PHC2: variants seen among roughly 807,000 people sequenced by gnomAD.
PHC2 encodes the protein polyhomeotic homolog 2.
In PHC2, 29 loss-of-function variants were observed where a neutral mutation model predicts 87.4. The observed-to-expected ratio is 0.33, with a 90% CI of 0.25 to 0.45. The LOEUF is 0.45. Ranked by LOEUF, PHC2 falls within the 20% of genes least tolerant of loss-of-function variation. The pLI is 1.00. For synonymous variants in PHC2, 438 were observed against 461.7 expected, an observed-to-expected ratio of 0.95 and a Z score of 0.66; for missense variants, 857 against 1,136.7, an observed-to-expected ratio of 0.75 and a Z score of 3.54.
At chr1:33,370,109 ACT>A (rs1647729293) in intron 5 of PHC2, among the ~76,000 whole-genome samples, 1 of 151,960 alleles carries the variant, frequency 6.6e-6, no homozygotes, top group Non-Finnish European at 1.5e-5. Context: ...GGCATGAACC[ACT>A]CTGCCCATCC....
chr1:33,357,816 C>T (rs189910874), intron 7 of PHC2, among the ~76,000 whole-genome samples: 7 of 152,174 alleles, frequency 4.6e-5, no homozygotes, highest in Admixed American at 3.3e-4. Flanking sequence ...AAATGTTGGG[C>T]ATGTCACTGC....
intron 1 of PHC2, among the ~76,000 whole-genome samples, chr1:33,379,196 T>C (rs1648332483): frequency 6.6e-6 from 1 of 151,570 alleles, no homozygotes; most frequent in Non-Finnish European, 1.5e-5. Flanking sequence ...GTGGGCACAG[T>C]GCACTTCCCA....
chr1:33,325,924 A>C, intron 14 of PHC2: 2 of 456,672 alleles, frequency 4.4e-6, no homozygotes, highest in Non-Finnish European at 8.8e-6. Context: ...GACTGTATAT[A>C]GAAGTCTCAT....
intron 7 of PHC2, among the ~76,000 whole-genome samples, chr1:33,356,942 C>T (rs558599515): frequency 2.4e-4 from 37 of 152,204 alleles, no homozygotes; most frequent in Non-Finnish European, 4.0e-4. Flanking sequence ...CCCTCCCGGA[C>T]GGGGCGAAAA....
At chr1:33,330,847 T>C (rs1646477540) in intron 12 of PHC2, among the ~76,000 whole-genome samples, 1 of 152,188 alleles carries the variant, frequency 6.6e-6, no homozygotes, top group Non-Finnish European at 1.5e-5. Flanking sequence ...CTAACCTGTA[T>C]AAAGGGGACA....
rs753245104 is a variant in PHC2 at position 33,325,022 on chromosome 1, G to GA, written c.2426-4dup. The GA allele has an allele frequency of 2.5e-6, 4 of 1,608,428 alleles. No individual in the cohort carries two copies. The highest frequency in any genetic ancestry group is 1.7e-5 in the Admixed American group (1 of 59,656). ...TTCCTCTGCTATCTCCTGGCAGCCT[G>GA]AGGGGGTACCACCAAAGACAGTGTC... On this transcript the variant is annotated splice_polypyrimidine_tract_variant and splice_region_variant and intron_variant, in intron 14 of 14. Transcript: ENST00000683057.
At chr1:33,350,900 A>C (rs758749353) in intron 9 of PHC2, among the ~76,000 whole-genome samples, 25 of 152,182 alleles carry the variant, frequency 1.6e-4, no homozygotes, top group Non-Finnish European at 2.9e-4. Context: ...TGTTTTATAA[A>C]CTAGGGTAAC....
At chr1:33,373,481 CCA>C (rs1414746779) in intron 2 of PHC2, among the ~76,000 whole-genome samples, 1 of 152,002 alleles carries the variant, frequency 6.6e-6, no homozygotes, top group African/African-American at 2.4e-5. Flanking sequence ...CTGCTGTCTC[CCA>C]TTCCCTGGCC....
At chr1:33,350,105 G>A (rs1351298216) in intron 9 of PHC2, among the ~76,000 whole-genome samples, 1 of 151,962 alleles carries the variant, frequency 6.6e-6, no homozygotes, top group Non-Finnish European at 1.5e-5. Context: ...GCCACGAGGA[G>A]GCTGCCCTGA....
chr1:33,391,340 T>C (rs868410982), intron 1 of PHC2, among the ~76,000 whole-genome samples: 20 of 152,212 alleles, frequency 1.3e-4, no homozygotes, highest in Admixed American at 5.9e-4. Flanking sequence ...GAAGATGATC[T>C]GCACTTCAAG....
intron 7 of PHC2, among the ~76,000 whole-genome samples, chr1:33,357,502 T>C (rs1018076708): frequency 1.3e-5 from 2 of 152,170 alleles, no homozygotes; most frequent in Non-Finnish European, 2.9e-5. Context: ...AGAGGGACTA[T>C]GGATGGCCCA....
Position 33,331,477 on chromosome 1 carries a change from A to C in PHC2, c.1892-15T>G, listed in dbSNP as rs539875791. The C allele has an allele frequency of 2.1e-6, 3 of 1,450,334 alleles. No individual in the cohort carries two copies. In the South Asian group the frequency reaches 3.4e-5, roughly 17 times the overall value. 89.8% of individuals were successfully genotyped at this position (1,450,334 alleles called of 1,614,324 possible). On this transcript the variant is annotated splice_polypyrimidine_tract_variant and intron_variant, in intron 11 of 14. Transcript: ENST00000683057. This position sits in a 1 kb window ranked among gnomAD's most constrained non-coding sequence, Gnocchi z 5.2. ...CTCTTTGGATTCTGAAAAGTATAGA[A>C]ATGGGTAGGGTGGAGAATGAGAAAT...
At position 33,332,705 on chromosome 1, in the gene PHC2, C is replaced by T. The variant is rs888994518; in HGVS notation, c.1762-301G>A. Among the ~76,000 whole-genome samples, 5 of 152,150 alleles carry T rather than the reference C, an allele frequency of 3.3e-5. No individual in the cohort carries two copies. The highest frequency in any genetic ancestry group is 7.2e-5 in the African/African-American group (3 of 41,426). On this transcript the variant is annotated intron_variant, in intron 10 of 14. Transcript: ENST00000683057. This position sits in a 1 kb window ranked among gnomAD's most constrained non-coding sequence, Gnocchi z 4.2. ...GTCTAAGGGCTGAGATCAGGTTTCC[C>T]ACAGTGCCAGATCAAGCACCAAGAC...
chr1:33,379,210 T>C (rs1648333720), intron 1 of PHC2, among the ~76,000 whole-genome samples: 1 of 151,196 alleles, frequency 6.6e-6, no homozygotes, highest in Admixed American at 6.6e-5. Flanking sequence ...CTTCCCACAC[T>C]CTTGTCGCCT....
rs1346068769 is a variant in PHC2 at position 33,332,626 on chromosome 1, G to C, written c.1762-222C>G. 1 of 544,848 alleles carries C rather than the reference G, an allele frequency of 1.8e-6. No individual in the cohort carries two copies. The highest frequency in any genetic ancestry group is 3.3e-6 in the Non-Finnish European group (1 of 302,226). The allele number at this position is 544,848 out of a possible 1,614,324, so 33.8% of individuals were successfully genotyped here. On this transcript the variant is annotated intron_variant, in intron 10 of 14. Transcript: ENST00000683057. The surrounding 1 kb of genome is among the most constrained non-coding windows in gnomAD (Gnocchi z 4.2). ...TGGGCAAAGTACAGGGATGGCTTCTGTCCAGGACCAACGGATGGCTCAGGA... is the reference window on the plus strand; with the variant it reads ...TGGGCAAAGTACAGGGATGGCTTCTCTCCAGGACCAACGGATGGCTCAGGA...
intron 9 of PHC2, chr1:33,345,974 A>T (rs1646837830): frequency 1.0e-6 from 1 of 984,872 alleles, no homozygotes; most frequent in Admixed American, 6.1e-5. Flanking sequence ...AACTTTTTTT[A>T]AAAACAGAAA....
chr1:33,354,698 G>A (rs938909087), intron 8 of PHC2, 132 bp from the exon 9 acceptor site: 1 of 1,300,544 alleles, frequency 7.7e-7, no homozygotes, highest in Non-Finnish European at 1.1e-6. Flanking sequence ...AATTGGGGAA[G>A]GCCCTCTCTT....
chr1:33,378,530 A>G (rs1300742888), intron 1 of PHC2, among the ~76,000 whole-genome samples: 1 of 152,254 alleles, frequency 6.6e-6, no homozygotes, highest in African/African-American at 2.4e-5. Flanking sequence ...AATATAAAAA[A>G]TAAAATGGGA....
chr1:33,419,964 C>T (rs1650369627), intron 1 of PHC2, among the ~76,000 whole-genome samples: 1 of 151,980 alleles, frequency 6.6e-6, no homozygotes, highest in Non-Finnish European at 1.5e-5. Context: ...CAGATATAAC[C>T]CCCCCATGTC....
Sources: gnomAD v4.1 joint callset for allele counts (sites outside exome capture counted in the v4.1 genomes callset) on GRCh38, gnomAD v4.1.1 for gene constraint, Gnocchi (gnomAD v3.1) non-coding constraint, MANE v1.5 for transcripts, NCBI Gene and HGNC (gene_info 2026-07-23, HGNC 2026-07-21) for gene names.